Variants in WDFY4 observed in about 807,000 individuals in gnomAD.
WDFY4 encodes WDFY family member 4.
In WDFY4, 169 loss-of-function variants were observed where a neutral mutation model predicts 351.9. The ratio of observed to expected loss-of-function variants is 0.48; its 90% confidence interval spans 0.42 to 0.55. The LOEUF (loss-of-function observed/expected upper bound fraction) is 0.55. Ranked by LOEUF, WDFY4 falls within the 20% of genes least tolerant of loss-of-function variation. WDFY4 has a pLI of 0.00. For synonymous variants in WDFY4, 1,622 were observed against 1,574.6 expected (o/e 1.03, Z -0.71); for missense variants, 3,803 against 3,935.6 (o/e 0.97, Z 0.90).
In WDFY4 at chr10:48,910,189, C is replaced by T. The variant is rs78289845; in HGVS notation, c.7586+8326C>T. On this transcript the variant is annotated intron_variant, in intron 47 of 61. Transcript: ENST00000325239. The stretch of plus-strand genomic sequence containing the variant: ...ACTGGGGGCTTCTCCTCTTCAGAGT[C>T]GTTTATTCTGTTAGCTGAGTAGTCT... 1.6e-3 allele frequency: 2,377 copies of T among 1,478,436 alleles called. 47 individuals carry two copies. In the African/African-American group the frequency reaches 0.026, roughly 16 times the overall value. 91.6% of individuals were successfully genotyped at this position (1,478,436 alleles called of 1,614,324 possible).
At chr10:48,860,193 C>G (rs1253021713) in intron 39 of WDFY4, among the ~76,000 whole-genome samples, 1 of 152,078 alleles carries the variant, frequency 6.6e-6, no homozygotes, top group Non-Finnish European at 1.5e-5. Flanking sequence ...GATTTCTGCT[C>G]TTTATTATGA....
chr10:48,723,515 A>G lies in WDFY4; in HGVS notation c.539A>G (p.Asp180Gly). 6.4e-7 allele frequency: 1 copy of G among 1,551,718 alleles called. No individual in the cohort carries two copies. The highest frequency in any genetic ancestry group is 8.7e-7 in the Non-Finnish European group (1 of 1,147,056). Residue 180 changes from aspartate (D) to glycine (G), a missense_variant, in exon 5 of 62, where the codon GAC becomes GGC. Coordinates refer to ENST00000325239, the MANE Select transcript of WDFY4 (RefSeq NM_001394531.1). The part of the protein sequence containing the change: ...CLYLFFVFPL[D>G]KDELLESDLQ... ...TACCTCTTCTTTGTCTTTCCTCTGG[A>G]CAAAGATGAGCTTCTTGAGAGTGAT...
At chr10:48,709,685 G>T (rs2063720180) in intron 1 of WDFY4, 31 bp from the exon 2 acceptor site, 1 of 1,528,284 alleles carries the variant, frequency 6.5e-7, no homozygotes, top group South Asian at 1.2e-5. Context: ...GATGTGACAG[G>T]AATGTTCACT....
chr10:48,820,879 G>A (rs976627048), intron 33 of WDFY4, among the ~76,000 whole-genome samples, 183 bp from the exon 34 acceptor site: 4 of 152,156 alleles, frequency 2.6e-5, no homozygotes, highest in Non-Finnish European at 5.9e-5. Flanking sequence ...GGAAGTGGGC[G>A]TTGCTTCCTG....
chr10:48,708,137 C>A (rs1415137735), intron 1 of WDFY4, among the ~76,000 whole-genome samples: 1 of 152,102 alleles, frequency 6.6e-6, no homozygotes. Context: ...TGTTTCCTCC[C>A]AGTTTTTGAC....
intron 28 of WDFY4, 55 bp downstream of exon 28, chr10:48,808,013 G>A (rs1360754882): frequency 1.9e-5 from 26 of 1,364,956 alleles, no homozygotes; most frequent in Non-Finnish European, 1.9e-5. Context: ...ACAGGGTGTG[G>A]CATTAAACCT....
Position 48,946,059 on chromosome 10 carries a change from C to G in WDFY4, c.7769C>G (p.Pro2590Arg), listed in dbSNP as rs552043231. 2 of 1,544,574 alleles carry G rather than the reference C, an allele frequency of 1.3e-6. No homozygotes were observed. Among genetic ancestry groups the G allele is most frequent in the African/African-American group, 1.4e-5 (1 of 72,396 alleles). ...YTSETLNLAN[P>R]KIFRDLSKPM... ...TTCTAGACATTGAACTTGGCAAATC[C>G]GAAGATTTTCCGGGATCTTTCAAAG... Residue 2590 changes from proline to arginine, a missense_variant, in exon 50 of 62, where the codon CCG becomes CGG. Transcript: ENST00000325239.
intron 20 of WDFY4, among the ~76,000 whole-genome samples, chr10:48,787,248 T>A (rs1310331053): frequency 1.3e-5 from 2 of 152,232 alleles, no homozygotes; most frequent in Admixed American, 6.5e-5. Flanking sequence ...CATTATTGAT[T>A]GTTGTTATTC....
chr10:48,741,635 T>G (rs17011156), intron 11 of WDFY4, among the ~76,000 whole-genome samples: 3,416 of 152,202 alleles, frequency 0.022, 138 homozygotes, highest in African/African-American at 0.078. Context: ...CGTATCATAC[T>G]ACAGACTGTT....
intron 19 of WDFY4, among the ~76,000 whole-genome samples, chr10:48,786,057 A>T (rs1224178489): frequency 6.6e-6 from 1 of 152,154 alleles, no homozygotes; most frequent in East Asian, 1.9e-4. Context: ...CAGTATACAG[A>T]TCCTCTACTT....
chr10:48,965,798 C>CTGTATCAGTTAGATATAGATTATATA (rs1173784489), intron 54 of WDFY4, among the ~76,000 whole-genome samples: 9 of 152,192 alleles, frequency 5.9e-5, no homozygotes, highest in Non-Finnish European at 1.0e-4. Flanking sequence ...TAGATTATAT[C>CTGTATCAGTTAGATATAGATTATATA]TGTATCAGTT....
At chr10:48,820,462 G>T (rs1406535413) in intron 33 of WDFY4, 25 bp downstream of exon 33, 1 of 1,548,102 alleles carries the variant, frequency 6.5e-7, no homozygotes, top group South Asian at 1.2e-5. Context: ...GTGACATTGG[G>T]CCATGTGCTG....
At chr10:48,909,064 C>T (rs1354076353) in intron 47 of WDFY4, among the ~76,000 whole-genome samples, 1 of 152,032 alleles carries the variant, frequency 6.6e-6, no homozygotes, top group Non-Finnish European at 1.5e-5. Context: ...GAGAATAGTG[C>T]CATTGAGATA....
At chr10:48,955,340 TGGGGAATG>T (rs1320261102) in intron 51 of WDFY4, among the ~76,000 whole-genome samples, 1 of 152,242 alleles carries the variant, frequency 6.6e-6, no homozygotes, top group Non-Finnish European at 1.5e-5. Flanking sequence ...TGTCCCTGTG[TGGGGAATG>T]ACCCACAGAT....
chr10:48,758,393 A>G (rs1160853505), intron 12 of WDFY4, among the ~76,000 whole-genome samples: 1 of 151,822 alleles, frequency 6.6e-6, no homozygotes, highest in Non-Finnish European at 1.5e-5. Flanking sequence ...TCTGGGCATA[A>G]TTTTTTTTGT....
intron 12 of WDFY4, among the ~76,000 whole-genome samples, chr10:48,746,429 C>A (rs1288857807): frequency 6.6e-6 from 1 of 151,918 alleles, no homozygotes; most frequent in Non-Finnish European, 1.5e-5. Flanking sequence ...TTTAACCTTT[C>A]TGTGTACTGT....
intron 23 of WDFY4, among the ~76,000 whole-genome samples, chr10:48,791,945 C>G (rs1266695404): frequency 6.6e-6 from 1 of 152,188 alleles, no homozygotes; most frequent in East Asian, 1.9e-4. Context: ...CAGCTGTAGC[C>G]CACATCACAT....
chr10:48,870,342 A>G (rs888379196), intron 40 of WDFY4, among the ~76,000 whole-genome samples: 5 of 152,306 alleles, frequency 3.3e-5, no homozygotes, highest in Non-Finnish European at 4.4e-5. Flanking sequence ...TCAAGGCCAG[A>G]CTGGGCATCA....
At chr10:48,729,371 T>G in intron 7 of WDFY4, 61 bp from the exon 8 acceptor site, 1 of 1,536,138 alleles carries the variant, frequency 6.5e-7, no homozygotes, top group South Asian at 1.2e-5. Flanking sequence ...GAGAGCACCA[T>G]GCACGCATGT....
Sources: gnomAD v4.1 joint callset for allele counts (sites outside exome capture counted in the v4.1 genomes callset) on GRCh38, gnomAD v4.1.1 for gene constraint, MANE v1.5 for transcripts, NCBI Gene and HGNC (gene_info 2026-07-23, HGNC 2026-07-21) for gene names.